The following VWC2L variants were observed in gnomAD, a reference collection of about 807,000 sequenced individuals.
The protein encoded by VWC2L is von Willebrand factor C domain-containing protein 2-like.
In VWC2L, 10 loss-of-function variants were observed where a neutral mutation model predicts 21.6. That is an observed-to-expected ratio of 0.46 (90% CI 0.29 to 0.78). The LOEUF (loss-of-function observed/expected upper bound fraction) is 0.78, where lower values mean the gene tolerates loss of function less well. VWC2L is among the 30% of genes least tolerant of loss of function. VWC2L has a pLI of 0.10. For synonymous variants in VWC2L, 96 were observed against 94.3 expected (o/e 1.02, Z -0.10); for missense variants, 209 against 277.1 (o/e 0.75, Z 1.74).
chr2:214,477,923 G>GA (rs1166592302), intron 3 of VWC2L, among the ~76,000 whole-genome samples: 1 of 152,020 alleles, frequency 6.6e-6, no homozygotes, highest in African/African-American at 2.4e-5. Context: ...CAGAGATTAT[G>GA]AAAAAAAACT....
intron 3 of VWC2L, among the ~76,000 whole-genome samples, chr2:214,499,009 C>CTTTTTTTTTTTTTTTTTT (rs56085205): frequency 1.2e-5 from 1 of 83,422 alleles, no homozygotes. Flanking sequence ...TCGTACCATT[C>CTTTTTTTTTTTTTTTTTT]TTTTTTTTTT....
intron 3 of VWC2L, among the ~76,000 whole-genome samples, chr2:214,449,905 GA>G (rs1702928430): frequency 1.3e-5 from 2 of 152,132 alleles, no homozygotes; most frequent in Admixed American, 1.3e-4. Context: ...ATGTTTTGCA[GA>G]AAGGTCCCTA....
intron 3 of VWC2L, among the ~76,000 whole-genome samples, chr2:214,562,302 C>T (rs1689988641): frequency 6.6e-6 from 1 of 152,138 alleles, no homozygotes; most frequent in Admixed American, 6.6e-5. Context: ...CTCTATCCAT[C>T]TCCCTGCAAA....
intron 3 of VWC2L, among the ~76,000 whole-genome samples, chr2:214,544,718 A>G (rs1689679206): frequency 1.3e-5 from 2 of 152,108 alleles, no homozygotes; most frequent in Admixed American, 6.5e-5. Context: ...GGACACTACT[A>G]TGTTTATTGC....
At chr2:214,567,593 C>CGGG (rs1690086775) in intron 3 of VWC2L, among the ~76,000 whole-genome samples, 1 of 132,914 alleles carries the variant, frequency 7.5e-6, no homozygotes, top group African/African-American at 3.1e-5. Flanking sequence ...CACACACACA[C>CGGG]ACAGAGAGAG....
intron 3 of VWC2L, among the ~76,000 whole-genome samples, chr2:214,511,919 T>TACAC (rs67983945): frequency 0.029 from 4,276 of 145,298 alleles, 135 homozygotes; most frequent in African/African-American, 0.075. Flanking sequence ...TATATACATA[T>TACAC]ACACACACAC....
chr2:214,560,729 G>T (rs1222860533), intron 3 of VWC2L, among the ~76,000 whole-genome samples: 2 of 152,034 alleles, frequency 1.3e-5, no homozygotes, highest in Admixed American at 1.3e-4. Context: ...AGTAAGTGAG[G>T]TCATTAAAGC....
intron 3 of VWC2L, among the ~76,000 whole-genome samples, chr2:214,524,828 T>C (rs1028884902): frequency 6.6e-6 from 1 of 152,170 alleles, no homozygotes; most frequent in African/African-American, 2.4e-5. Context: ...ACCAAATATA[T>C]TGTAGACCGT....
At position 214,497,137 on chromosome 2, in the gene VWC2L, T is replaced by C. The variant is rs140204055; in HGVS notation, c.520+60379T>C. Among the ~76,000 whole-genome samples, 28 of 152,314 alleles carry C rather than the reference T, an allele frequency of 1.8e-4. No individual in the cohort carries two copies. The East Asian group carries it at 4.6e-3, about 25-fold the overall frequency. On this transcript the variant is annotated intron_variant, in intron 3 of 3. Coordinates refer to ENST00000312504, the MANE Select transcript of VWC2L (RefSeq NM_001080500.4). ...AGTTCAGCTGGCTAAATTTAGAGCA[T>C]TGAAAAATATCCAATCCAAGAATAG...
At chr2:214,496,990 C>T (rs947631173) in intron 3 of VWC2L, among the ~76,000 whole-genome samples, 2 of 152,128 alleles carry the variant, frequency 1.3e-5, no homozygotes, top group Non-Finnish European at 2.9e-5. Context: ...TGTACAATAT[C>T]AAAACACCAT....
intron 3 of VWC2L, among the ~76,000 whole-genome samples, chr2:214,476,540 A>G (rs1022705572): frequency 6.6e-6 from 1 of 152,158 alleles, no homozygotes; most frequent in Non-Finnish European, 1.5e-5. Context: ...CACAGGCTTA[A>G]ACTAAAAAGA....
chr2:214,468,081 A>G (rs1297823965), intron 3 of VWC2L, among the ~76,000 whole-genome samples: 3 of 152,016 alleles, frequency 2.0e-5, no homozygotes, highest in Non-Finnish European at 4.4e-5. Context: ...CAGTGGCGCA[A>G]TCTCAGCTCA....
At chr2:214,463,570 CTG>C (rs1444397690) in intron 3 of VWC2L, among the ~76,000 whole-genome samples, 1 of 152,068 alleles carries the variant, frequency 6.6e-6, no homozygotes, top group African/African-American at 2.4e-5. Context: ...TTTAATGTGA[CTG>C]TTGATACATG....
Position 214,411,677 on chromosome 2 carries a change from T to C in VWC2L, c.-190T>C, listed in dbSNP as rs921894882. On this transcript the variant is annotated 5_prime_UTR_variant, in exon 1 of 4. The change abolishes an upstream ATG in the 5' untranslated region. Coordinates refer to ENST00000312504, the MANE Select transcript of VWC2L (RefSeq NM_001080500.4). ...TTGCCTTTAATTCATGCCTAAAAAA[T>C]GTATTCTTTGGGTAATTAAAGAGGA... The C allele has an allele frequency of 6.6e-6, 1 of 152,136 alleles. No homozygotes were observed. The highest frequency in any genetic ancestry group is 2.4e-5 in the African/African-American group (1 of 41,426). 9.4% of individuals were successfully genotyped at this position (152,136 alleles called of 1,614,324 possible).
At chr2:214,457,611 AT>A (rs1246252009) in intron 3 of VWC2L, among the ~76,000 whole-genome samples, 1 of 152,054 alleles carries the variant, frequency 6.6e-6, no homozygotes, top group East Asian at 1.9e-4. Context: ...ATTCATTATA[AT>A]TTTAACTATA....
At chr2:214,544,788 G>A (rs1424602998) in intron 3 of VWC2L, among the ~76,000 whole-genome samples, 1 of 152,014 alleles carries the variant, frequency 6.6e-6, no homozygotes, top group East Asian at 1.9e-4. Context: ...ATGCTATAGG[G>A]TATTCTACAC....
chr2:214,524,115 T>C (rs567691461), intron 3 of VWC2L, among the ~76,000 whole-genome samples: 13 of 152,210 alleles, frequency 8.5e-5, no homozygotes, highest in Non-Finnish European at 1.8e-4. Flanking sequence ...TATATTGTTA[T>C]ATACAGCATT....
intron 3 of VWC2L, among the ~76,000 whole-genome samples, chr2:214,546,259 C>A (rs1336554711): frequency 1.3e-5 from 2 of 152,146 alleles, no homozygotes; most frequent in East Asian, 3.9e-4. Flanking sequence ...ATTGCTGCAG[C>A]TTTTGGCACA....
chr2:214,521,118 G>A (rs930989026), intron 3 of VWC2L, among the ~76,000 whole-genome samples: 1 of 151,846 alleles, frequency 6.6e-6, no homozygotes, highest in East Asian at 1.9e-4. Context: ...CCAGCTACTC[G>A]GGAGGCTGAG....
Sources: gnomAD v4.1 joint callset for allele counts (sites outside exome capture counted in the v4.1 genomes callset) on GRCh38, gnomAD v4.1.1 for gene constraint, MANE v1.5 for transcripts, NCBI Gene and HGNC (gene_info 2026-07-23, HGNC 2026-07-21) for gene names.